Variants in PHF8 observed in about 807,000 individuals in gnomAD.
PHF8 encodes PHD finger protein 8.
A neutral mutation model predicts 74.4 loss-of-function variants in PHF8; 9 were observed. The ratio of observed to expected loss-of-function variants is 0.12; its 90% CI spans 0.07 to 0.21. The LOEUF is 0.21. PHF8 is among the 10% of genes least tolerant of loss of function. The pLI is 1.00. For missense variants in PHF8, 478 were observed against 816.6 expected, an observed-to-expected ratio of 0.59 and a Z score of 5.05; for synonymous variants, 311 against 316.6, an observed-to-expected ratio of 0.98 and a Z score of 0.19.
intron 18 of PHF8, among the ~76,000 whole-genome samples, chrX:53,966,876 G>T (rs1169375739): frequency 9.3e-6 from 1 of 107,328 alleles, no homozygotes; most frequent in African/African-American, 3.4e-5. Context: ...GAGTGCCTTT[G>T]CCCCGCCGCC....
In PHF8 at chrX:53,938,892, A is replaced by G. The variant is rs903812962; in HGVS notation, c.*266T>C. The G allele has an allele frequency of 1.2e-5, 11 of 927,929 alleles. No homozygotes were observed. The Admixed American group carries it at 5.6e-4, about 47-fold the overall frequency. 76.5% of individuals were successfully genotyped at this position (927,929 alleles called of 1,213,427 possible). A position where few individuals can be genotyped will look rare whatever the true frequency, so the allele number is the denominator to read the frequency against. On this transcript the variant is annotated 3_prime_UTR_variant, in exon 22 of 22. Transcript: ENST00000338154. ...GCAGGTGACGGGAGTGGTTTGGACGAGTAGAAAAGAGGGTTCTAGTCAGCT... is the reference window on the plus strand; with the variant it reads ...GCAGGTGACGGGAGTGGTTTGGACGGGTAGAAAAGAGGGTTCTAGTCAGCT...
At chrX:53,968,934 A>G (rs7880677) in intron 18 of PHF8, among the ~76,000 whole-genome samples, 1,134 of 108,946 alleles carry the variant, frequency 0.01, 14 homozygotes, top group African/African-American at 0.036. Flanking sequence ...AAGAACTGAT[A>G]AACAAATTTA....
upstream of PHF8, among the ~76,000 whole-genome samples, chrX:54,048,385 C>A (rs1263119146): frequency 9.0e-6 from 1 of 111,446 alleles, no homozygotes; most frequent in Non-Finnish European, 1.9e-5. Flanking sequence ...TTTGAGCAAC[C>A]TGTGTGGTGT....
Position 54,044,359 on chromosome X carries a change from A to C in PHF8, c.-690T>G. On this transcript the variant is annotated 5_prime_UTR_variant, in exon 1 of 22. Transcript: ENST00000338154. ...ATAAAGTTTATTCAAAACAATGAGGAAGTTGAGGCGGAGAGGGGAGGAGAA... is the reference window on the plus strand; with the variant it reads ...ATAAAGTTTATTCAAAACAATGAGGCAGTTGAGGCGGAGAGGGGAGGAGAA... 1 of 749,920 alleles carries C rather than the reference A, an allele frequency of 1.3e-6. No individual in the cohort carries two copies. Among genetic ancestry groups the C allele is most frequent in the African/African-American group, 2.3e-5 (1 of 43,846 alleles). The allele number at this position is 749,920 out of a possible 1,213,427, so 61.8% of individuals were successfully genotyped here.
chrX:53,937,949 G>C lies in PHF8; in HGVS notation c.*1209C>G. On this transcript the variant is annotated 3_prime_UTR_variant, in exon 22 of 22. Transcript: ENST00000338154. Reference sequence around the variant, plus strand: ...GACAATCCACGAAGGAAGGACAGGGGAAGGGGAGGATCGGATGGATGGTCT... The same window carrying C: ...GACAATCCACGAAGGAAGGACAGGGCAAGGGGAGGATCGGATGGATGGTCT... The C allele has an allele frequency of 9.0e-7, 1 of 1,114,227 alleles. No homozygotes were observed. Among genetic ancestry groups the C allele is most frequent in the Non-Finnish European group, 1.2e-6 (1 of 825,946 alleles). The allele number at this position is 1,114,227 out of a possible 1,213,427, so 91.8% of individuals were successfully genotyped here.
intron 7 of PHF8, 89 bp from the exon 8 acceptor site, chrX:54,011,373 G>A: frequency 1.8e-5 from 13 of 729,096 alleles, no homozygotes; most frequent in Middle Eastern, 2.9e-4. Context: ...TTTCTCCCAT[G>A]CTCCAAAACG....
At chrX:53,955,553 TTTTC>T (rs1480368221) in intron 19 of PHF8, among the ~76,000 whole-genome samples, 113 of 38,579 alleles carry the variant, frequency 2.9e-3, no homozygotes, top group African/African-American at 0.011. Flanking sequence ...TGGTCTCTTC[TTTTC>T]TTTTTTTTTT....
At chrX:54,042,372 AG>A (rs58326801) in intron 2 of PHF8, among the ~76,000 whole-genome samples, 13,862 of 74,172 alleles carry the variant, frequency 0.19, 1,783 homozygotes, top group African/African-American at 0.41. Context: ...AGGAAAGAAA[AG>A]GGGGGGGGGG....
In PHF8 at chrX:53,977,127, G is replaced by A. The variant is rs782795219; in HGVS notation, c.2443+7787C>T. Among the ~76,000 whole-genome samples the A allele has an allele frequency of 3.6e-5, 4 of 111,731 alleles. No homozygotes were observed. In the South Asian group the frequency reaches 1.5e-3, roughly 42 times the overall value. On this transcript the variant is annotated intron_variant, in intron 18 of 21. Transcript: ENST00000338154. Reference sequence around the variant, plus strand: ...AGGTGGGTGGATTACTTAAGGTCAGGAGTTCAAGACCAGCCTGGCCAACAT... The same window carrying A: ...AGGTGGGTGGATTACTTAAGGTCAGAAGTTCAAGACCAGCCTGGCCAACAT...
In PHF8 at chrX:53,985,081, C is replaced by G. The variant is rs782659079; in HGVS notation, c.2276G>C (p.Ser759Thr). Residue 759 changes from serine (S) to threonine (T), a missense_variant, in exon 18 of 22, where the codon AGC becomes ACC. Transcript: ENST00000338154. ...GTTAGACACTGTGCCCAGCCCACTG[C>G]TGGAGCTCCCACTGCTTCGATCCTG... ...GGQDRSSGSS[S>T]SGLGTVSNSP... 8.3e-7 allele frequency: 1 copy of G among 1,211,458 alleles called. No individual in the cohort carries two copies. The highest frequency in any genetic ancestry group is 3.0e-5 in the East Asian group (1 of 33,831).
chrX:53,989,709 T>C (rs896169095), intron 14 of PHF8, among the ~76,000 whole-genome samples: 6 of 112,110 alleles, frequency 5.4e-5, no homozygotes, highest in African/African-American at 1.9e-4. Context: ...AATCAGTAAA[T>C]TGATACATTT....
intron 19 of PHF8, among the ~76,000 whole-genome samples, chrX:53,955,642 G>A (rs2065003982): frequency 9.8e-6 from 1 of 102,054 alleles, no homozygotes; most frequent in South Asian, 4.5e-4. Context: ...TAATAGCAGT[G>A]TTAGTGGGCA....
intron 20 of PHF8, chrX:53,943,319 T>G: frequency 1.1e-6 from 1 of 883,683 alleles, no homozygotes. Context: ...AAATTTGAAG[T>G]TAGAGGATAT....
chrX:53,988,052 A>C, intron 14 of PHF8, 108 bp from the exon 15 acceptor site: 1 of 617,849 alleles, frequency 1.6e-6, no homozygotes, highest in Non-Finnish European at 2.6e-6. Context: ...TCCCTATCAA[A>C]ATCCAGCCAG....
rs5960091 is a variant in PHF8, at chrX:54,002,558, A to C, written c.1034+37T>G. On this transcript the variant is annotated intron_variant, in intron 9 of 21. Coordinates refer to ENST00000338154, the MANE Select transcript of PHF8 (RefSeq NM_015107.3). Reference sequence around the variant, plus strand: ...ATACTCCTCACTCTAGCAGACAGGAATGGCCAACATAGAATCACCACAGTT... The same window carrying C: ...ATACTCCTCACTCTAGCAGACAGGACTGGCCAACATAGAATCACCACAGTT... 4.4e-3 allele frequency: 3,899 copies of C among 893,565 alleles called. 90 individuals carry two copies. The African/African-American group carries it at 0.068, about 16-fold the overall frequency. The allele number at this position is 893,565 out of a possible 1,213,427, so 73.6% of individuals were successfully genotyped here. A position where few individuals can be genotyped will look rare whatever the true frequency, so the allele number is the denominator to read the frequency against.
intron 11 of PHF8, 22 bp downstream of exon 11, chrX:53,999,848 G>A (rs782057985): frequency 2.0e-6 from 2 of 1,023,172 alleles, no homozygotes; most frequent in South Asian, 1.9e-5. Context: ...TCCAGAGGAG[G>A]TAGAGAAATA....
chrX:54,030,296 G>A (rs1446777035), intron 2 of PHF8, among the ~76,000 whole-genome samples: 1 of 111,133 alleles, frequency 9.0e-6, no homozygotes, highest in Non-Finnish European at 1.9e-5. Context: ...ATGAAAAATC[G>A]GGCTTCTGGC....
chrX:53,972,337 A>G (rs1453683502), intron 18 of PHF8, among the ~76,000 whole-genome samples: 1 of 107,387 alleles, frequency 9.3e-6, no homozygotes, highest in African/African-American at 3.4e-5. Context: ...AAAAAAAAAA[A>G]AAAAAAAGAA....
chrX:54,038,712 T>G (rs1557115081), intron 2 of PHF8, among the ~76,000 whole-genome samples: 2 of 112,322 alleles, frequency 1.8e-5, no homozygotes, highest in African/African-American at 6.5e-5. Flanking sequence ...AGAAAGTCAC[T>G]TAACTTCCAC....
Sources: gnomAD v4.1 joint callset for allele counts (sites outside exome capture counted in the v4.1 genomes callset) on GRCh38, gnomAD v4.1.1 for gene constraint, MANE v1.5 for transcripts, NCBI Gene and HGNC (gene_info 2026-07-23, HGNC 2026-07-21) for gene names.